Variants in CTDSPL2 observed in about 807,000 individuals in gnomAD.
CTDSPL2 encodes CTD small phosphatase-like protein 2.
Under a neutral mutation model 60.0 loss-of-function variants are expected in CTDSPL2, and 5 were observed. That is an observed-to-expected ratio of 0.08 (90% CI 0.04 to 0.18). CTDSPL2 has a LOEUF of 0.18. CTDSPL2 is among the 10% of genes least tolerant of loss of function. The pLI is 1.00. For synonymous variants in CTDSPL2, 186 were observed against 189.3 expected (o/e 0.98, Z 0.14); for missense variants, 370 against 548.8 (o/e 0.67, Z 3.26).
intron 1 of CTDSPL2, 144 bp downstream of exon 1, chr15:44,427,916 C>G: frequency 8.0e-6 from 3 of 374,446 alleles, no homozygotes; most frequent in East Asian, 3.8e-5. Context: ...TCTTTGGCGC[C>G]TCGTACGTCC....
At chr15:44,439,338 G>A (rs535619742) in intron 1 of CTDSPL2, among the ~76,000 whole-genome samples, 32 of 151,596 alleles carry the variant, frequency 2.1e-4, no homozygotes, top group East Asian at 1.4e-3. Context: ...TAGTAGAGAC[G>A]GGGTTTCACC....
At chr15:44,506,125 G>A (rs2081458876) in intron 8 of CTDSPL2, among the ~76,000 whole-genome samples, 1 of 149,780 alleles carries the variant, frequency 6.7e-6, no homozygotes, top group Non-Finnish European at 1.5e-5. Context: ...TGCCTCCCAG[G>A]TTCAAGAAAT....
chr15:44,488,027 T>G (rs1055862219), intron 4 of CTDSPL2, among the ~76,000 whole-genome samples: 1 of 151,632 alleles, frequency 6.6e-6, no homozygotes, highest in Non-Finnish European at 1.5e-5. Context: ...GGAGAATCAC[T>G]TGAACCCAGG....
intron 8 of CTDSPL2, among the ~76,000 whole-genome samples, chr15:44,506,047 T>G (rs1314428195): frequency 4.1e-5 from 6 of 144,724 alleles, no homozygotes; most frequent in African/African-American, 1.6e-4. Context: ...TTTTTTTTTT[T>G]GAGACAGAGT....
chr15:44,448,703 T>G (rs538075340), intron 1 of CTDSPL2: 1 of 332,712 alleles, frequency 3.0e-6, no homozygotes, highest in South Asian at 2.9e-5. Context: ...CTGTTTCCCA[T>G]TCCAGTGCCT....
intron 4 of CTDSPL2, 44 bp from the exon 5 acceptor site, chr15:44,490,740 G>A (rs111427983): frequency 1.4e-6 from 2 of 1,455,628 alleles, no homozygotes; most frequent in Non-Finnish European, 1.9e-6. Flanking sequence ...TTTCTAAATA[G>A]GTGCATTTTT....
At chr15:44,482,303 A>T (rs2081043006) in intron 2 of CTDSPL2, among the ~76,000 whole-genome samples, 1 of 152,122 alleles carries the variant, frequency 6.6e-6, no homozygotes, top group African/African-American at 2.4e-5. Flanking sequence ...GCCCAGCTCC[A>T]ATCATTGTTT....
chr15:44,519,371 TG>T (rs2081717069), intron 11 of CTDSPL2, 76 bp downstream of exon 11: 2 of 1,187,224 alleles, frequency 1.7e-6, no homozygotes, highest in Non-Finnish European at 2.3e-6. Flanking sequence ...CAGAATATGA[TG>T]GGAGAAGAAG....
intron 2 of CTDSPL2, among the ~76,000 whole-genome samples, chr15:44,467,906 A>G (rs1406341029): frequency 6.6e-6 from 1 of 152,116 alleles, no homozygotes; most frequent in East Asian, 1.9e-4. Context: ...AGTAGTACAT[A>G]AATTTTTTTT....
chr15:44,446,945 G>GAA (rs1480149385), intron 1 of CTDSPL2, among the ~76,000 whole-genome samples: 2 of 151,838 alleles, frequency 1.3e-5, no homozygotes, highest in Non-Finnish European at 2.9e-5. Flanking sequence ...AGTAGAGACA[G>GAA]AGTTTCACCA....
intron 1 of CTDSPL2, among the ~76,000 whole-genome samples, chr15:44,456,509 A>G (rs1009118362): frequency 2.0e-5 from 3 of 151,908 alleles, no homozygotes; most frequent in Admixed American, 6.6e-5. Flanking sequence ...TTTCTTCTAG[A>G]TTTTCTAGTT....
chr15:44,455,822 C>T (rs2080423962), intron 1 of CTDSPL2, among the ~76,000 whole-genome samples: 1 of 144,192 alleles, frequency 6.9e-6, no homozygotes, highest in African/African-American at 2.6e-5. Flanking sequence ...ATTCGGTTTG[C>T]CAGTATTTTA....
intron 8 of CTDSPL2, among the ~76,000 whole-genome samples, chr15:44,508,331 C>T (rs373143616): frequency 1.2e-4 from 19 of 152,164 alleles, no homozygotes; most frequent in African/African-American, 4.1e-4. Flanking sequence ...GTGATCCTTT[C>T]ACCTCGGCCT....
chr15:44,448,165 T>C, intron 1 of CTDSPL2: 1 of 257,052 alleles, frequency 3.9e-6, no homozygotes, highest in Admixed American at 4.3e-5. Context: ...CTCAATGGTT[T>C]GGTCCACATG....
intron 7 of CTDSPL2, among the ~76,000 whole-genome samples, chr15:44,497,617 G>A (rs1041059205): frequency 4.6e-5 from 7 of 152,160 alleles, no homozygotes; most frequent in African/African-American, 7.2e-5. Context: ...TGATCCGCCC[G>A]CCTCGGCCTC....
At chr15:44,487,836 C>G (rs997575967) in intron 4 of CTDSPL2, among the ~76,000 whole-genome samples, 38 of 152,084 alleles carry the variant, frequency 2.5e-4, no homozygotes, top group African/African-American at 9.2e-4. Context: ...AAGGAATAGG[C>G]CGGGCACCGT....
intron 7 of CTDSPL2, among the ~76,000 whole-genome samples, chr15:44,498,928 A>T (rs2081344793): frequency 6.6e-6 from 1 of 152,210 alleles, no homozygotes; most frequent in Admixed American, 6.5e-5. Context: ...AAGATGCTTT[A>T]TAAAAAGTTG....
At chr15:44,453,203 C>T (rs887696392) in intron 1 of CTDSPL2, among the ~76,000 whole-genome samples, 9 of 152,070 alleles carry the variant, frequency 5.9e-5, no homozygotes, top group Non-Finnish European at 8.8e-5. Flanking sequence ...TGAGAGGGGC[C>T]GTCCTTGTCT....
chr15:44,520,788 T>G (rs2081752897), intron 11 of CTDSPL2: 1 of 152,216 alleles, frequency 6.6e-6, no homozygotes, highest in Non-Finnish European at 1.5e-5. Flanking sequence ...ATTCTTGTTT[T>G]TAGGCTCCTC....
Sources: allele counts gnomAD v4.1 joint callset (sites outside exome capture counted in the v4.1 genomes callset), GRCh38; gene constraint gnomAD v4.1.1; transcripts MANE v1.5; gene names NCBI Gene and HGNC (gene_info 2026-07-23, HGNC 2026-07-21).